Variants in ZNF385D observed in about 807,000 individuals in gnomAD.
The protein encoded by ZNF385D is zinc finger protein 659.
ZNF385D carries 15 observed loss-of-function variants against 35.8 expected under a neutral mutation model. The observed-to-expected ratio is 0.42, with a 90% CI of 0.28 to 0.64. ZNF385D has a LOEUF of 0.64. ZNF385D is among the 30% of genes least tolerant of loss of function. The pLI is 0.23. For missense variants in ZNF385D, 474 were observed against 494.6 expected (o/e 0.96, Z 0.39); for synonymous variants, 212 against 186.8 (o/e 1.13, Z -1.10).
chr3:22,196,143 A>G (rs1308280869), intron 2 of ZNF385D, among the ~76,000 whole-genome samples: 1 of 152,076 alleles, frequency 6.6e-6, no homozygotes, highest in Non-Finnish European at 1.5e-5. Context: ...TACCCATGTA[A>G]CAAAACTGCA....
At chr3:22,146,605 G>A (rs1189024606) in intron 3 of ZNF385D, among the ~76,000 whole-genome samples, 2 of 152,190 alleles carry the variant, frequency 1.3e-5, no homozygotes, top group East Asian at 1.9e-4. Flanking sequence ...TGAAGGCAAA[G>A]ATCTTTGCCT....
At chr3:22,278,736 G>A (rs1241007642) in intron 2 of ZNF385D, among the ~76,000 whole-genome samples, 1 of 152,032 alleles carries the variant, frequency 6.6e-6, no homozygotes, top group Non-Finnish European at 1.5e-5. Context: ...AGAGAAAATT[G>A]GCAAAATGTG....
chr3:21,929,287 C>A (rs1430177051), intron 3 of ZNF385D, among the ~76,000 whole-genome samples: 1 of 151,990 alleles, frequency 6.6e-6, no homozygotes, highest in Non-Finnish European at 1.5e-5. Flanking sequence ...AAACTCTCAA[C>A]AAACTAGGGA....
intron 3 of ZNF385D, among the ~76,000 whole-genome samples, chr3:22,129,190 G>GTC (rs377686489): frequency 2.6e-4 from 39 of 151,302 alleles, no homozygotes; most frequent in East Asian, 5.8e-4. Context: ...AACAAACAGA[G>GTC]TCTCTCTCTC....
chr3:21,954,102 T>C (rs1170905359), intron 3 of ZNF385D, among the ~76,000 whole-genome samples: 2 of 151,848 alleles, frequency 1.3e-5, no homozygotes, highest in African/African-American at 4.8e-5. Context: ...CCATCCCCAT[T>C]TGGAAGATAA....
intron 3 of ZNF385D, among the ~76,000 whole-genome samples, chr3:22,153,741 C>T (rs1705413242): frequency 6.6e-6 from 1 of 151,932 alleles, no homozygotes; most frequent in Non-Finnish European, 1.5e-5. Context: ...TGGCATTAAT[C>T]CTGAAATTCT....
intron 1 of ZNF385D, among the ~76,000 whole-genome samples, chr3:21,737,917 C>G (rs1035409904): frequency 6.6e-6 from 1 of 152,224 alleles, no homozygotes; most frequent in Non-Finnish European, 1.5e-5. Context: ...CATCTCCTAG[C>G]TCACAGCACT....
intron 3 of ZNF385D, among the ~76,000 whole-genome samples, chr3:21,557,505 G>T (rs528328940): frequency 6.6e-6 from 1 of 152,226 alleles, no homozygotes; most frequent in East Asian, 1.9e-4. Context: ...TGCATCCCAG[G>T]GATGAAGCTG....
At chr3:21,429,786 C>T (rs563763821) in intron 5 of ZNF385D, among the ~76,000 whole-genome samples, 2 of 152,146 alleles carry the variant, frequency 1.3e-5, no homozygotes, top group South Asian at 4.1e-4. Flanking sequence ...TATTTAATAG[C>T]ATTTGACTAG....
At chr3:21,947,881 A>G (rs144109846) in intron 3 of ZNF385D, among the ~76,000 whole-genome samples, 4 of 152,236 alleles carry the variant, frequency 2.6e-5, no homozygotes, top group East Asian at 1.9e-4. Context: ...TTTTGAAGCA[A>G]TATTTCTCCT....
At chr3:21,809,992 A>G (rs898941471) in intron 3 of ZNF385D, among the ~76,000 whole-genome samples, 4 of 152,138 alleles carry the variant, frequency 2.6e-5, no homozygotes, top group African/African-American at 9.7e-5. Context: ...ATTCCATACA[A>G]TATCTTCCAG....
At chr3:22,327,556 A>G (rs968768002) in intron 2 of ZNF385D, among the ~76,000 whole-genome samples, 2 of 152,220 alleles carry the variant, frequency 1.3e-5, no homozygotes, top group African/African-American at 4.8e-5. Flanking sequence ...CGGGAAGTCC[A>G]AGGATTTCCT....
intron 3 of ZNF385D, among the ~76,000 whole-genome samples, chr3:22,079,606 C>T (rs1158283581): frequency 1.3e-5 from 2 of 151,926 alleles, no homozygotes; most frequent in African/African-American, 4.8e-5. Context: ...TGGGAAATGA[C>T]AGCATCCTAC....
chr3:22,283,470 A>G (rs1162356516), intron 2 of ZNF385D, among the ~76,000 whole-genome samples: 2 of 152,142 alleles, frequency 1.3e-5, no homozygotes, highest in Non-Finnish European at 2.9e-5. Flanking sequence ...CAGATGTCCA[A>G]TCAAGAATCA....
intron 1 of ZNF385D, among the ~76,000 whole-genome samples, chr3:21,732,847 C>G (rs999034472): frequency 1.3e-5 from 2 of 152,112 alleles, no homozygotes; most frequent in African/African-American, 2.4e-5. Context: ...TGGCTTGACT[C>G]TTATGCTCTT....
intron 3 of ZNF385D, among the ~76,000 whole-genome samples, chr3:22,062,417 A>T (rs746559342): frequency 6.6e-6 from 1 of 152,272 alleles, no homozygotes; most frequent in East Asian, 1.9e-4. Flanking sequence ...ATTTTACTTT[A>T]TAACACTTTA....
chr3:22,302,261 C>G (rs1443452815), intron 2 of ZNF385D, among the ~76,000 whole-genome samples: 1 of 152,012 alleles, frequency 6.6e-6, no homozygotes, highest in African/African-American at 2.4e-5. Context: ...TGGGACTCCA[C>G]ATCTTCATCA....
At chr3:21,657,487 C>T (rs1009430086) in intron 2 of ZNF385D, among the ~76,000 whole-genome samples, 1 of 151,774 alleles carries the variant, frequency 6.6e-6, no homozygotes, top group Non-Finnish European at 1.5e-5. Context: ...CAGTGTGAAA[C>T]GTATAATGAA....
At chr3:22,085,060 C>A (rs536692680) in intron 3 of ZNF385D, among the ~76,000 whole-genome samples, 1 of 152,014 alleles carries the variant, frequency 6.6e-6, no homozygotes, top group African/African-American at 2.4e-5. Flanking sequence ...AGAATCTCTG[C>A]GACACATTTA....
Sources: allele counts gnomAD v4.1 joint callset (sites outside exome capture counted in the v4.1 genomes callset), GRCh38; gene constraint gnomAD v4.1.1; transcripts MANE v1.5; gene names NCBI Gene and HGNC (gene_info 2026-07-23, HGNC 2026-07-21).